Variants in PARD3B observed in about 807,000 individuals in gnomAD.
The protein encoded by PARD3B is partitioning defective 3 homolog B.
PARD3B carries 103 observed loss-of-function variants against 130.2 expected under a neutral mutation model. That is an observed-to-expected ratio of 0.79 (90% CI 0.67 to 0.93). PARD3B has a LOEUF of 0.93. Among genes scored for constraint, PARD3B ranks in the 40% least tolerant of loss-of-function variants. The pLI is 0.00. For missense variants in PARD3B, 1,609 were observed against 1,499.2 expected (o/e 1.07, Z -1.21); for synonymous variants, 583 against 553.2 (o/e 1.05, Z -0.76).
chr2:205,303,347 T>TA (rs1327867785), intron 18 of PARD3B, among the ~76,000 whole-genome samples: 2 of 152,190 alleles, frequency 1.3e-5, no homozygotes, highest in Non-Finnish European at 2.9e-5. Context: ...GTGGATTTTT[T>TA]AGAGTGCTCC....
intron 1 of PARD3B, among the ~76,000 whole-genome samples, chr2:204,602,581 C>T (rs1243493746): frequency 1.3e-5 from 2 of 151,910 alleles, no homozygotes; most frequent in Non-Finnish European, 2.9e-5. Flanking sequence ...GCATTATGGC[C>T]CGTTACCTTT....
chr2:204,608,859 GT>G (rs2033825128), intron 1 of PARD3B, among the ~76,000 whole-genome samples: 1 of 152,210 alleles, frequency 6.6e-6, no homozygotes, highest in African/African-American at 2.4e-5. Flanking sequence ...ACAATTTACT[GT>G]GTTGTGGGTG....
At chr2:205,520,330 C>A (rs2050985316) in intron 21 of PARD3B, among the ~76,000 whole-genome samples, 1 of 152,068 alleles carries the variant, frequency 6.6e-6, no homozygotes, top group African/African-American at 2.4e-5. Flanking sequence ...GTCCTCCTCT[C>A]CTTGGGTCGA....
intron 20 of PARD3B, among the ~76,000 whole-genome samples, chr2:205,466,442 C>A (rs1314012610): frequency 1.3e-5 from 2 of 152,144 alleles, no homozygotes; most frequent in Non-Finnish European, 2.9e-5. Context: ...CATGCTTTGA[C>A]CTCTTGCTGC....
intron 3 of PARD3B, among the ~76,000 whole-genome samples, chr2:204,997,107 T>A (rs1393418459): frequency 6.6e-6 from 1 of 152,112 alleles, no homozygotes; most frequent in Admixed American, 6.5e-5. Flanking sequence ...GCTCCTCCCC[T>A]CCTCAGTTGT....
intron 18 of PARD3B, among the ~76,000 whole-genome samples, chr2:205,379,403 A>C (rs2045216994): frequency 6.6e-6 from 1 of 152,022 alleles, no homozygotes; most frequent in Admixed American, 6.6e-5. Flanking sequence ...TGCATGCTGA[A>C]TCTTTAGGGA....
At chr2:204,882,117 C>G (rs1172664244) in intron 2 of PARD3B, among the ~76,000 whole-genome samples, 2 of 152,136 alleles carry the variant, frequency 1.3e-5, no homozygotes, top group Non-Finnish European at 2.9e-5. Flanking sequence ...TATAAACTGA[C>G]TTTTGCTACC....
chr2:204,547,471 A>ATG (rs1315634642), intron 1 of PARD3B, among the ~76,000 whole-genome samples: 3 of 152,140 alleles, frequency 2.0e-5, no homozygotes, highest in South Asian at 2.1e-4. Flanking sequence ...CTGCAATGTT[A>ATG]TGTGTGTGTG....
intron 18 of PARD3B, among the ~76,000 whole-genome samples, chr2:205,356,803 A>G (rs2044208767): frequency 6.6e-6 from 1 of 151,296 alleles, no homozygotes; most frequent in African/African-American, 2.4e-5. Context: ...AGGCAGGAGA[A>G]CCGCTTAAAC....
At chr2:204,680,726 T>C (rs988847621) in intron 1 of PARD3B, among the ~76,000 whole-genome samples, 2 of 152,146 alleles carry the variant, frequency 1.3e-5, no homozygotes, top group Admixed American at 1.3e-4. Flanking sequence ...TATTTTCTCA[T>C]TGCCTTTATT....
At position 205,615,530 on chromosome 2, in the gene PARD3B, A is replaced by C; in HGVS notation, c.3335A>C (p.Tyr1112Ser). Residue 1112 changes from tyrosine to serine, a missense_variant, in exon 23 of 23, where the codon TAT becomes TCT. By Grantham distance (144) the Tyr-to-Ser change is moderately radical. Transcript: ENST00000406610. Reference sequence around the variant, plus strand: ...CTCTACAAGGAAAGGGAGCTTCCCTATTATCCAGGGGCTCATCCTATGCAC... The same window carrying C: ...CTCTACAAGGAAAGGGAGCTTCCCTCTTATCCAGGGGCTCATCCTATGCAC... ...RGLYKERELP[Y>S]YPGAHPMHPP... 1 of 1,614,002 alleles carries C rather than the reference A, an allele frequency of 6.2e-7. No individual in the cohort carries two copies. The highest frequency in any genetic ancestry group is 2.2e-5 in the East Asian group (1 of 44,876).
chr2:205,445,585 C>T (rs904286081), intron 20 of PARD3B, among the ~76,000 whole-genome samples: 4 of 152,122 alleles, frequency 2.6e-5, no homozygotes, highest in African/African-American at 9.7e-5. Flanking sequence ...AAAACAGTAC[C>T]AGTGGGGAAA....
intron 2 of PARD3B, among the ~76,000 whole-genome samples, chr2:204,695,741 G>C (rs575722906): frequency 2.0e-5 from 3 of 152,004 alleles, no homozygotes; most frequent in African/African-American, 7.2e-5. Flanking sequence ...AAGGGCTTGT[G>C]GTGGTATGAG....
intron 2 of PARD3B, among the ~76,000 whole-genome samples, chr2:204,891,593 G>A (rs2046448482): frequency 6.6e-6 from 1 of 152,108 alleles, no homozygotes; most frequent in South Asian, 2.1e-4. Context: ...TTCTAATATT[G>A]CTTTATTAAG....
At position 205,440,494 on chromosome 2, in the gene PARD3B, G is replaced by A. The variant is rs781258237; in HGVS notation, c.2866G>A (p.Val956Met). ...DDEMDPNYAR[V>M]NHFREPCTSA... ...TGAAATGGACCCCAATTATGCCAGAGTGAACCACTTTCGGGAACCATGCAC... is the reference window on the plus strand; with the variant it reads ...TGAAATGGACCCCAATTATGCCAGAATGAACCACTTTCGGGAACCATGCAC... The change falls in exon 20 of 23, where the codon GTG (valine) becomes ATG (methionine). Residue 956 changes from valine (V) to methionine (M), a missense_variant. Coordinates refer to ENST00000406610, the MANE Select transcript of PARD3B (RefSeq NM_001302769.2). This position sits in a 1 kb window ranked among gnomAD's most constrained non-coding sequence, Gnocchi z 4.2. 4 of 1,613,982 alleles carry A rather than the reference G, an allele frequency of 2.5e-6. No homozygotes were observed. The highest frequency in any genetic ancestry group is 1.3e-5 in the African/African-American group (1 of 74,898).
chr2:204,826,462 C>T (rs1191167524), intron 2 of PARD3B, among the ~76,000 whole-genome samples: 1 of 151,924 alleles, frequency 6.6e-6, no homozygotes, highest in African/African-American at 2.4e-5. Context: ...CCTGTGATTT[C>T]CTAGGGGCAA....
intron 2 of PARD3B, among the ~76,000 whole-genome samples, chr2:204,914,161 G>A (rs943582814): frequency 2.0e-5 from 3 of 152,140 alleles, no homozygotes; most frequent in East Asian, 3.9e-4. Context: ...CTCCTGATCC[G>A]GGATGGTACC....
intron 2 of PARD3B, among the ~76,000 whole-genome samples, chr2:204,744,004 C>G (rs2040114772): frequency 6.6e-6 from 1 of 152,106 alleles, no homozygotes; most frequent in African/African-American, 2.4e-5. Flanking sequence ...ATTCAGAAAC[C>G]TGGACCTCAC....
rs1387145433 is a variant in PARD3B at position 205,572,038 on chromosome 2, G to GT, written c.3260+18638dup. On this transcript the variant is annotated intron_variant, in intron 22 of 22. Coordinates refer to ENST00000406610, the MANE Select transcript of PARD3B (RefSeq NM_001302769.2). The surrounding 1 kb of genome is among the most constrained non-coding windows in gnomAD (Gnocchi z 4.2). Reference sequence around the variant, plus strand: ...AGCAGTCGAGCTGTGGAGTTATTTTGTTTATTGTTCTGAAGTTCTATGAGC... The same window carrying GT: ...AGCAGTCGAGCTGTGGAGTTATTTTGTTTTATTGTTCTGAAGTTCTATGAGC... Among the ~76,000 whole-genome samples the GT allele has an allele frequency of 4.6e-5, 7 of 152,234 alleles. No homozygotes were observed. In the East Asian group the frequency reaches 1.3e-3, roughly 29 times the overall value.
Sources: allele counts gnomAD v4.1 joint callset (sites outside exome capture counted in the v4.1 genomes callset), GRCh38; gene constraint gnomAD v4.1.1; non-coding constraint Gnocchi (gnomAD v3.1); transcripts MANE v1.5; gene names NCBI Gene and HGNC (gene_info 2026-07-23, HGNC 2026-07-21).